CBFA2T2: variants seen among roughly 807,000 people sequenced by gnomAD.
CBFA2T2 encodes the protein protein CBFA2T2.
A neutral mutation model predicts 62.2 loss-of-function variants in CBFA2T2; 11 were observed. The observed-to-expected ratio is 0.18, with a 90% confidence interval of 0.11 to 0.29. The LOEUF is 0.29. Among genes scored for constraint, CBFA2T2 ranks in the 10% least tolerant of loss-of-function variants. The probability of loss-of-function intolerance (pLI) is 1.00; values close to 1 mark genes in which losing one functional copy is unlikely to be tolerated. For synonymous variants in CBFA2T2, 295 were observed against 287.5 expected (o/e 1.03, Z -0.27); for missense variants, 592 against 774.1 (o/e 0.76, Z 2.79).
chr20:33,584,104 C>T (rs868862050), intron 1 of CBFA2T2, among the ~76,000 whole-genome samples: 21 of 151,844 alleles, frequency 1.4e-4, no homozygotes, highest in African/African-American at 3.9e-4. Flanking sequence ...CCTGCCACTA[C>T]ACTCAGCTAA....
intron 1 of CBFA2T2, among the ~76,000 whole-genome samples, chr20:33,566,650 C>A (rs375462545): frequency 6.6e-6 from 1 of 151,642 alleles, no homozygotes; most frequent in Non-Finnish European, 1.5e-5. Flanking sequence ...AAAATTAGCA[C>A]CAACTGTAGG....
chr20:33,536,615 A>G (rs1221274843), intron 1 of CBFA2T2, among the ~76,000 whole-genome samples: 1 of 148,012 alleles, frequency 6.8e-6, no homozygotes, highest in Non-Finnish European at 1.5e-5. Context: ...CTCACTTCTC[A>G]GACGGGGCGG....
intron 1 of CBFA2T2, among the ~76,000 whole-genome samples, chr20:33,505,061 G>A (rs1320589851): frequency 1.3e-5 from 2 of 152,132 alleles, no homozygotes; most frequent in African/African-American, 2.4e-5. Flanking sequence ...TAGCAATTAA[G>A]GTAGGTAGAA....
chr20:33,648,993 A>G lies in CBFA2T2; in HGVS notation c.*4347A>G, dbSNP rs2017151536. On this transcript the variant is annotated 3_prime_UTR_variant, in exon 11 of 11. Transcript: ENST00000342704. ...TTCAGCACAGCTGGAATTGTACGGTAGTGAGCTCTTCAAAATGAAAACAGA... is the reference window on the plus strand; with the variant it reads ...TTCAGCACAGCTGGAATTGTACGGTGGTGAGCTCTTCAAAATGAAAACAGA... The G allele has an allele frequency of 6.6e-6, 1 of 152,170 alleles. No individual in the cohort carries two copies. The highest frequency in any genetic ancestry group is 1.9e-4 in the East Asian group (1 of 5,184). 9.4% of individuals were successfully genotyped at this position (152,170 alleles called of 1,614,324 possible). A position where few individuals can be genotyped will look rare whatever the true frequency, so the allele number is the denominator to read the frequency against.
chr20:33,574,577 A>ATT (rs2013732190), intron 1 of CBFA2T2, among the ~76,000 whole-genome samples: 2 of 152,226 alleles, frequency 1.3e-5, no homozygotes, highest in East Asian at 3.9e-4. Flanking sequence ...GTGAGCCGAG[A>ATT]TTGTGCCATT....
At position 33,607,161 on chromosome 20, in the gene CBFA2T2, CT is replaced by C. The variant is rs1434074641; in HGVS notation, c.178+64del. 3.0e-5 allele frequency: 46 copies of C among 1,519,990 alleles called. No individual in the cohort carries two copies. The African/African-American group carries it at 4.9e-4, about 16-fold the overall frequency. The allele number at this position is 1,519,990 out of a possible 1,614,324, so 94.2% of individuals were successfully genotyped here. On this transcript the variant is annotated intron_variant, in intron 2 of 10. Coordinates refer to ENST00000342704, the MANE Select transcript of CBFA2T2 (RefSeq NM_001032999.3). ...GTGACATTTGGATCTAAGTGACTGA[CT>C]TGTATGAAGCGTTCCACATATATTA...
chr20:33,550,696 C>T (rs574870740), intron 1 of CBFA2T2, among the ~76,000 whole-genome samples: 2 of 151,906 alleles, frequency 1.3e-5, no homozygotes, highest in South Asian at 2.1e-4. Flanking sequence ...GCTGTTAGCT[C>T]GCTGCAACCT....
At chr20:33,643,803 A>G (rs2122403998) in intron 10 of CBFA2T2, among the ~76,000 whole-genome samples, 5 of 23,640 alleles carry the variant, frequency 2.1e-4, no homozygotes, top group African/African-American at 5.9e-4. Context: ...ATATATATAT[A>G]TATATATATA....
chr20:33,575,253 C>T (rs1342575878), intron 1 of CBFA2T2, among the ~76,000 whole-genome samples: 1 of 152,292 alleles, frequency 6.6e-6, no homozygotes, highest in African/African-American at 2.4e-5. Context: ...TATTTCTAGT[C>T]ATTATGGTTT....
At chr20:33,567,874 A>G (rs550818911) in intron 1 of CBFA2T2, among the ~76,000 whole-genome samples, 2 of 152,142 alleles carry the variant, frequency 1.3e-5, no homozygotes, top group Non-Finnish European at 2.9e-5. Context: ...ATGAGCCACC[A>G]CGCCCAGCCT....
chr20:33,534,331 T>G (rs926901541), intron 1 of CBFA2T2, among the ~76,000 whole-genome samples: 1 of 152,130 alleles, frequency 6.6e-6, no homozygotes, highest in East Asian at 1.9e-4. Context: ...GGTTTTTGTT[T>G]GTTTGTTTGA....
chr20:33,554,260 T>C (rs115126994), intron 1 of CBFA2T2, among the ~76,000 whole-genome samples: 3,403 of 150,904 alleles, frequency 0.023, 119 homozygotes, highest in African/African-American at 0.078. Flanking sequence ...TTTTTCTTTT[T>C]TTTTTTTTTT....
At chr20:33,502,472 T>TCTCGG (rs1402020592) in intron 1 of CBFA2T2, among the ~76,000 whole-genome samples, 1 of 151,964 alleles carries the variant, frequency 6.6e-6, no homozygotes, top group East Asian at 2.0e-4. Context: ...AGTGGCCCGA[T>TCTCGG]CTCGGCTCAC....
chr20:33,501,280 C>T (rs1217656138), intron 1 of CBFA2T2, among the ~76,000 whole-genome samples: 3 of 152,176 alleles, frequency 2.0e-5, no homozygotes, highest in Non-Finnish European at 4.4e-5. Context: ...CTATTTTGGC[C>T]TTTTCCTCTC....
chr20:33,512,338 G>A (rs892671251), intron 1 of CBFA2T2, among the ~76,000 whole-genome samples: 1 of 152,066 alleles, frequency 6.6e-6, no homozygotes, highest in African/African-American at 2.4e-5. Context: ...GCGACAGAGC[G>A]AGACTCCCTC....
chr20:33,626,563 G>T (rs541203926), intron 6 of CBFA2T2, among the ~76,000 whole-genome samples: 1 of 152,180 alleles, frequency 6.6e-6, no homozygotes. Context: ...TGGACAGAGC[G>T]GTTTGTCATG....
At chr20:33,524,929 G>T (rs1457941845) in intron 1 of CBFA2T2, among the ~76,000 whole-genome samples, 1 of 152,176 alleles carries the variant, frequency 6.6e-6, no homozygotes, top group Non-Finnish European at 1.5e-5. Context: ...TTGCCTCCCG[G>T]GTTCAAGCAA....
chr20:33,643,821 TATA>T, intron 10 of CBFA2T2, among the ~76,000 whole-genome samples: 4 of 61,686 alleles, frequency 6.5e-5, no homozygotes, highest in African/African-American at 9.7e-5. Flanking sequence ...ATATATAGTA[TATA>T]ATGTGTGTGT....
intron 3 of CBFA2T2, among the ~76,000 whole-genome samples, chr20:33,615,670 A>G (rs1428510663): frequency 1.3e-5 from 2 of 152,088 alleles, no homozygotes; most frequent in Admixed American, 6.6e-5. Flanking sequence ...GTGTGTCTGT[A>G]GTCCCACCTA....
Sources: allele counts gnomAD v4.1 joint callset (sites outside exome capture counted in the v4.1 genomes callset), GRCh38; gene constraint gnomAD v4.1.1; transcripts MANE v1.5; gene names NCBI Gene and HGNC (gene_info 2026-07-23, HGNC 2026-07-21).